The following RELB variants were observed in gnomAD, a reference collection of about 807,000 sequenced individuals.
RELB encodes the protein RELB proto-oncogene, NF-kB subunit.
Under a neutral mutation model 55.4 loss-of-function variants are expected in RELB, and 14 were observed. The ratio of observed to expected loss-of-function variants is 0.25; its 90% CI spans 0.17 to 0.40. RELB has a LOEUF of 0.40. Ranked by LOEUF, RELB falls within the 10% of genes least tolerant of loss-of-function variation. The pLI is 1.00. For synonymous variants in RELB, 409 were observed against 371.3 expected, an observed-to-expected ratio of 1.10 and a Z score of -1.17; for missense variants, 669 against 830.7, an observed-to-expected ratio of 0.81 and a Z score of 2.39.
chr19:45,016,835 C>T (rs537497066), intron 4 of RELB, among the ~76,000 whole-genome samples: 7 of 151,940 alleles, frequency 4.6e-5, no homozygotes, highest in African/African-American at 7.3e-5. Flanking sequence ...CCAGCCTGTG[C>T]GAGATCCTGT....
At chr19:45,023,916 A>ATTTT in intron 5 of RELB, among the ~76,000 whole-genome samples, 2 of 145,346 alleles carry the variant, frequency 1.4e-5, no homozygotes, top group African/African-American at 5.1e-5. Flanking sequence ...ACACCTGGCT[A>ATTTT]ATTTTTGTAT....
At chr19:45,027,671 C>T (rs1971574659) in intron 7 of RELB, among the ~76,000 whole-genome samples, 1 of 152,000 alleles carries the variant, frequency 6.6e-6, no homozygotes, top group African/African-American at 2.4e-5. Flanking sequence ...CTGCCCAATC[C>T]CAGTTACTAA....
chr19:45,027,203 A>G (rs1175676953), intron 7 of RELB, among the ~76,000 whole-genome samples: 1 of 148,054 alleles, frequency 6.8e-6, no homozygotes, highest in Non-Finnish European at 1.5e-5. Context: ...ACTGCACTCC[A>G]GCCCGGGCAA....
At chr19:45,021,456 CA>C (rs527934701) in intron 4 of RELB, among the ~76,000 whole-genome samples, 24,563 of 68,642 alleles carry the variant, frequency 0.36, 1,674 homozygotes, top group Non-Finnish European at 0.43. Flanking sequence ...GACTCCATCT[CA>C]AAAAAAAAAA....
rs374270251 is a variant in RELB at position 45,032,631 on chromosome 19, G to A, written c.1089G>A (p.Thr363=). The change falls in exon 9 of 12, where the codon ACG becomes ACA. Residue 363 remains threonine (T), a synonymous_variant. Coordinates refer to ENST00000221452, the MANE Select transcript of RELB (RefSeq NM_006509.4). ...GCCAGATTGCCATTGTGTTCAAGACGCCGCCCTACGAGGACCTGGAGATTG... is the reference window on the plus strand; with the variant it reads ...GCCAGATTGCCATTGTGTTCAAGACACCGCCCTACGAGGACCTGGAGATTG... ...VHRQIAIVFK[T]PPYEDLEIVE... 60 of 1,612,890 alleles carry A rather than the reference G, an allele frequency of 3.7e-5. No homozygotes were observed. Among genetic ancestry groups the A allele is most frequent in the South Asian group, 1.9e-4 (17 of 90,842 alleles).
intron 7 of RELB, 137 bp from the exon 8 acceptor site, chr19:45,028,751 G>T (rs12609547): frequency 0.42 from 266,434 of 636,774 alleles, 57,566 homozygotes; most frequent in South Asian, 0.59. Context: ...GTTCCATGAG[G>T]ATCAGATGCC....
rs548485109 is a variant in RELB, at chr19:45,021,342, T to C, written c.505-711T>C. On this transcript the variant is annotated intron_variant, in intron 4 of 11. Transcript: ENST00000221452. ...GAAAAAAATTAGCCGGGCATGGTGG[T>C]GGGCACTTGTAGTCTCAGCTACTCG... Among the ~76,000 whole-genome samples, 4 of 150,284 alleles carry C rather than the reference T, an allele frequency of 2.7e-5. No homozygotes were observed. In the South Asian group the frequency reaches 8.4e-4, roughly 32 times the overall value.
chr19:45,034,292 T>C lies in RELB; in HGVS notation c.1256T>C (p.Leu419Pro). The change falls in exon 10 of 12, where the codon CTT becomes CCT. Residue 419 changes from leucine (L) to proline (P), a missense_variant. Physicochemically the swap from Leu to Pro is moderately conservative, Grantham distance 98. Transcript: ENST00000221452. ...CGGAAACGGGGGATGCCCGACGTCC[T>C]TGGGGAGCTGAACAGCTCTGGTGTG... ...KKRKRGMPDV[L>P]GELNSSDPHG... 1.9e-6 allele frequency: 3 copies of C among 1,613,982 alleles called. No homozygotes were observed. The highest frequency in any genetic ancestry group is 2.5e-6 in the Non-Finnish European group (3 of 1,179,860).
chr19:45,014,892 C>G (rs1352886234), intron 4 of RELB, among the ~76,000 whole-genome samples: 1 of 138,736 alleles, frequency 7.2e-6, no homozygotes, highest in Non-Finnish European at 1.5e-5. Context: ...GTCTCCAAAT[C>G]TGGATTCAGG....
At chr19:45,001,748 C>T (rs1600057722) in intron 1 of RELB, 63 bp downstream of exon 1, 4 of 1,153,288 alleles carry the variant, frequency 3.5e-6, no homozygotes, top group East Asian at 2.9e-5. Context: ...GGGATTCTGG[C>T]GGTCCCGGAG....
intron 3 of RELB, 60 bp downstream of exon 3, chr19:45,009,882 G>A: frequency 6.7e-7 from 1 of 1,497,544 alleles, no homozygotes; most frequent in Non-Finnish European, 9.2e-7. Flanking sequence ...TACAGAAGGG[G>A]GTCTTGGCCT....
chr19:45,028,256 A>G (rs1971580954), intron 7 of RELB, among the ~76,000 whole-genome samples: 1 of 151,802 alleles, frequency 6.6e-6, no homozygotes, highest in Non-Finnish European at 1.5e-5. Context: ...TTCTGGCCTC[A>G]CGTGATCTTC....
intron 11 of RELB, 89 bp from the exon 12 acceptor site, chr19:45,037,316 A>C (rs1483105249): frequency 6.6e-6 from 9 of 1,357,918 alleles, no homozygotes; most frequent in Admixed American, 2.7e-5. Context: ...TTGATATCAC[A>C]TTTTGCAGGG....
intron 5 of RELB, among the ~76,000 whole-genome samples, chr19:45,025,051 G>A (rs1383563556): frequency 2.0e-5 from 3 of 151,892 alleles, no homozygotes; most frequent in African/African-American, 7.3e-5. Context: ...TAGAGACAGG[G>A]TTTCACCATG....
intron 2 of RELB, among the ~76,000 whole-genome samples, chr19:45,005,157 C>T (rs1971268233): frequency 6.6e-6 from 1 of 152,050 alleles, no homozygotes; most frequent in South Asian, 2.1e-4. Context: ...GGTGACAGAG[C>T]AAGAGCCTCC....
chr19:45,028,791 G>A (rs555174519), intron 7 of RELB, 97 bp from the exon 8 acceptor site: 2 of 906,908 alleles, frequency 2.2e-6, no homozygotes, highest in Non-Finnish European at 3.5e-6. Context: ...CGTCTCCAGG[G>A]CCCCGGGGAT....
chr19:45,024,193 G>A (rs947277707), intron 5 of RELB, among the ~76,000 whole-genome samples: 15 of 148,938 alleles, frequency 1.0e-4, no homozygotes, highest in Admixed American at 5.4e-4. Context: ...ACGGAGTCTC[G>A]CTTTGTCGCC....
intron 1 of RELB, among the ~76,000 whole-genome samples, chr19:45,002,330 G>A (rs1434385050): frequency 6.6e-6 from 1 of 152,200 alleles, no homozygotes; most frequent in Admixed American, 6.5e-5. Context: ...GACCCTGACA[G>A]GAGGATGTTT....
chr19:45,004,658 G>A (rs879563421), intron 2 of RELB, among the ~76,000 whole-genome samples: 16 of 151,632 alleles, frequency 1.1e-4, no homozygotes, highest in Admixed American at 2.6e-4. Context: ...ACCTGAGGTC[G>A]GGAGTTCTAG....
Sources: gnomAD v4.1 joint callset for allele counts (sites outside exome capture counted in the v4.1 genomes callset) on GRCh38, gnomAD v4.1.1 for gene constraint, MANE v1.5 for transcripts, NCBI Gene and HGNC (gene_info 2026-07-23, HGNC 2026-07-21) for gene names.